The following TPCN1 variants were observed in gnomAD, a reference collection of about 807,000 sequenced individuals.
TPCN1 encodes the protein two pore segment channel 1.
In TPCN1, 52 loss-of-function variants were observed where a neutral mutation model predicts 108.8. The ratio of observed to expected loss-of-function variants is 0.48; its 90% CI spans 0.38 to 0.60. TPCN1 has a LOEUF of 0.60. Ranked by LOEUF, TPCN1 falls within the 20% of genes least tolerant of loss-of-function variation. The pLI, the probability that TPCN1 is intolerant of heterozygous loss-of-function variation, is 0.00. For synonymous variants in TPCN1, 446 were observed against 433.7 expected, an observed-to-expected ratio of 1.03 and a Z score of -0.35; for missense variants, 806 against 1,072.8, an observed-to-expected ratio of 0.75 and a Z score of 3.47.
intron 1 of TPCN1, among the ~76,000 whole-genome samples, chr12:113,223,013 T>A (rs1953312441): frequency 6.6e-6 from 1 of 152,210 alleles, no homozygotes; most frequent in Non-Finnish European, 1.5e-5. Flanking sequence ...TGGTAAAAAG[T>A]TAAACCAAAA....
At position 113,273,363 on chromosome 12, in the gene TPCN1, A is replaced by G. The variant is rs534935435; in HGVS notation, c.842+73A>G. 6.6e-7 allele frequency: 1 copy of G among 1,507,876 alleles called. No individual in the cohort carries two copies. The highest frequency in any genetic ancestry group is 2.3e-5 in the East Asian group (1 of 44,408). 93.4% of individuals were successfully genotyped at this position (1,507,876 alleles called of 1,614,324 possible). A position where few individuals can be genotyped will look rare whatever the true frequency, so the allele number is the denominator to read the frequency against. On this transcript the variant is annotated intron_variant, in intron 9 of 27. Transcript: ENST00000335509. This position sits in a 1 kb window ranked among gnomAD's most constrained non-coding sequence, Gnocchi z 4.0. ...GGTCTCTTTCTCTTTTCTGCCAAGT[A>G]TATTCCACATCCCAGCACAGGCAGG... is the stretch of plus-strand genomic sequence containing the variant.
At chr12:113,283,500 G>A (rs916921788) in intron 15 of TPCN1, among the ~76,000 whole-genome samples, 3 of 151,894 alleles carry the variant, frequency 2.0e-5, no homozygotes, top group African/African-American at 7.3e-5. Context: ...CTGGCGTGGT[G>A]GTGTGCACCT....
rs561861992 is a variant in TPCN1 at position 113,291,422 on chromosome 12, A to C, written c.1960-187A>C. 4.0e-5 allele frequency: 25 copies of C among 617,538 alleles called. No individual in the cohort carries two copies. The African/African-American group carries it at 4.4e-4, about 11-fold the overall frequency. The allele number at this position is 617,538 out of a possible 1,614,324, so 38.3% of individuals were successfully genotyped here. A position where few individuals can be genotyped will look rare whatever the true frequency, so the allele number is the denominator to read the frequency against. On this transcript the variant is annotated intron_variant, in intron 23 of 27. Transcript: ENST00000335509. ...GATCCAGTCGTCCAGGGGAGTGGCC[A>C]GGGCTCCTTCAGCAGTCAGGAATTA...
chr12:113,280,112 G>A (rs1955837036), intron 14 of TPCN1, 39 bp from the exon 15 acceptor site: 2 of 1,504,554 alleles, frequency 1.3e-6, no homozygotes, highest in Non-Finnish European at 9.2e-7. Flanking sequence ...GGGAACAAGT[G>A]CGTAAATTTA....
chr12:113,293,430 TG>T, intron 27 of TPCN1, 81 bp downstream of exon 27: 1 of 1,319,796 alleles, frequency 7.6e-7, no homozygotes, highest in Non-Finnish European at 1.1e-6. Context: ...TCTGGCCCTC[TG>T]AGTAGAGGGA....
At chr12:113,256,061 G>A (rs1954820155) in intron 2 of TPCN1, among the ~76,000 whole-genome samples, 1 of 152,064 alleles carries the variant, frequency 6.6e-6, no homozygotes, top group Non-Finnish European at 1.5e-5. Flanking sequence ...GACCTGAAGC[G>A]ATCCATCCAC....
intron 2 of TPCN1, among the ~76,000 whole-genome samples, chr12:113,252,353 G>A (rs1566158179): frequency 6.6e-6 from 1 of 152,184 alleles, no homozygotes; most frequent in Non-Finnish European, 1.5e-5. Context: ...GTAAGGGATA[G>A]GGGAGCTTTT....
At chr12:113,293,970 T>C (rs1260935771) in intron 27 of TPCN1, 1 of 152,996 alleles carries the variant, frequency 6.5e-6, no homozygotes, top group African/African-American at 2.4e-5. Context: ...CCCGAGTAGC[T>C]GGGATTACAG....
intron 2 of TPCN1, among the ~76,000 whole-genome samples, chr12:113,241,636 C>T (rs1954129359): frequency 6.6e-6 from 1 of 152,200 alleles, no homozygotes. Flanking sequence ...TCTTCTCCGG[C>T]TCCCTTCCTT....
chr12:113,285,772 C>G (rs1369693098), intron 17 of TPCN1, 117 bp from the exon 18 acceptor site: 1 of 887,990 alleles, frequency 1.1e-6, no homozygotes, highest in Non-Finnish European at 1.9e-6. Flanking sequence ...CTGGGCTCAG[C>G]CTGGAGGGCT....
In TPCN1 at chr12:113,266,582, C is replaced by T. The variant is rs2136615174; in HGVS notation, c.414+226C>T. Among the ~76,000 whole-genome samples, 1 of 152,332 alleles carries T rather than the reference C, an allele frequency of 6.6e-6. No homozygotes were observed. The highest frequency in any genetic ancestry group is 1.9e-4 in the East Asian group (1 of 5,186). Reference sequence around the variant, plus strand: ...CTGGGATTCTGCCCACCAGTAAATTCCAGGGAGGGGAAGTGTCCCAGGCCC... The same window carrying T: ...CTGGGATTCTGCCCACCAGTAAATTTCAGGGAGGGGAAGTGTCCCAGGCCC... On this transcript the variant is annotated intron_variant, in intron 4 of 27. Coordinates refer to ENST00000335509, the MANE Select transcript of TPCN1 (RefSeq NM_017901.6). This position sits in a 1 kb window ranked among gnomAD's most constrained non-coding sequence, Gnocchi z 4.2.
At chr12:113,233,239 G>A (rs1380672803) in intron 2 of TPCN1, among the ~76,000 whole-genome samples, 1 of 152,216 alleles carries the variant, frequency 6.6e-6, no homozygotes, top group Non-Finnish European at 1.5e-5. Context: ...CGCTCTAAAT[G>A]GCAGTCGTGG....
rs758726950 is a variant in TPCN1 at position 113,285,895 on chromosome 12, G to C, written c.1460G>C (p.Gly487Ala). 5.6e-6 allele frequency: 9 copies of C among 1,614,060 alleles called. No homozygotes were observed. ...GGATTCCTTCTGTCCACAGTCTATG[G>C]GGTGGAGCTGTTCCTGAAGGTTGCC... Reference protein sequence around the residue: ...WSYLVFLTIYGVELFLKVAGL... With the variant: ...WSYLVFLTIYAVELFLKVAGL... The change falls in exon 18 of 28, where the codon GGG becomes GCG. Residue 487 changes from glycine to alanine, a missense_variant. Coordinates refer to ENST00000335509, the MANE Select transcript of TPCN1 (RefSeq NM_017901.6).
chr12:113,234,933 G>A (rs1474259148), intron 2 of TPCN1, among the ~76,000 whole-genome samples: 2 of 152,212 alleles, frequency 1.3e-5, no homozygotes, highest in Non-Finnish European at 2.9e-5. Context: ...AGTGAAATCT[G>A]GTCAGTAGGC....
intron 10 of TPCN1, among the ~76,000 whole-genome samples, chr12:113,275,299 G>T (rs868564885): frequency 2.0e-5 from 3 of 152,124 alleles, no homozygotes; most frequent in African/African-American, 4.8e-5. Context: ...GTGCAGTGGC[G>T]CAATCTCAGC....
chr12:113,249,584 C>G (rs976841874), intron 2 of TPCN1: 1 of 152,272 alleles, frequency 6.6e-6, no homozygotes, highest in African/African-American at 2.4e-5. Context: ...TCTAAGACAA[C>G]AGCAGAAAGT....
intron 2 of TPCN1, among the ~76,000 whole-genome samples, chr12:113,256,353 T>G (rs1005064398): frequency 1.3e-5 from 2 of 151,990 alleles, no homozygotes; most frequent in African/African-American, 4.8e-5. Flanking sequence ...CATGTATGTA[T>G]GTATTTATTT....
At chr12:113,241,584 C>T (rs375064872) in intron 2 of TPCN1, among the ~76,000 whole-genome samples, 8 of 152,178 alleles carry the variant, frequency 5.3e-5, no homozygotes, top group East Asian at 1.9e-4. Flanking sequence ...GGAACCAGAG[C>T]GCACCAGTGC....
chr12:113,266,794 T>C lies in TPCN1; in HGVS notation c.414+438T>C, dbSNP rs1339148449. On this transcript the variant is annotated intron_variant, in intron 4 of 27. Transcript: ENST00000335509. This position sits in a 1 kb window ranked among gnomAD's most constrained non-coding sequence, Gnocchi z 4.2. Reference sequence around the variant, plus strand: ...ACACCCAGGCCCAGCCATCATTCAGTGGGGGCCAGAACAGGTGTGGAGCTG... The same window carrying C: ...ACACCCAGGCCCAGCCATCATTCAGCGGGGGCCAGAACAGGTGTGGAGCTG... Among the ~76,000 whole-genome samples the C allele has an allele frequency of 6.6e-6, 1 of 152,128 alleles. No individual in the cohort carries two copies. Among genetic ancestry groups the C allele is most frequent in the African/African-American group, 2.4e-5 (1 of 41,420 alleles).
Sources: gnomAD v4.1 joint callset for allele counts (sites outside exome capture counted in the v4.1 genomes callset) on GRCh38, gnomAD v4.1.1 for gene constraint, Gnocchi (gnomAD v3.1) non-coding constraint, MANE v1.5 for transcripts, NCBI Gene and HGNC (gene_info 2026-07-23, HGNC 2026-07-21) for gene names.